Variants in ZPBP observed in about 807,000 individuals in gnomAD.
ZPBP encodes zona pellucida binding protein.
ZPBP carries 26 observed loss-of-function variants against 44.8 expected under a neutral mutation model. The observed-to-expected ratio is 0.58, with a 90% confidence interval of 0.43 to 0.81. The LOEUF is 0.81. Among genes scored for constraint, ZPBP ranks in the 30% least tolerant of loss-of-function variants. ZPBP has a pLI of 0.00. For missense variants in ZPBP, 409 were observed against 434.0 expected (o/e 0.94, Z 0.51); for synonymous variants, 174 against 153.2 (o/e 1.14, Z -1.00).
chr7:49,893,417 A>G (rs1268589397), intron 2 of ZPBP, among the ~76,000 whole-genome samples: 1 of 152,198 alleles, frequency 6.6e-6, no homozygotes, highest in African/African-American at 2.4e-5. Flanking sequence ...TTTGATGAAG[A>G]TTATTTCTTC....
chr7:49,975,531 A>G lies in ZPBP; in HGVS notation c.961+7811T>C, dbSNP rs572971018. Among the ~76,000 whole-genome samples, 74 of 152,250 alleles carry G rather than the reference A, an allele frequency of 4.9e-4. 1 individual carries two copies. Among genetic ancestry groups the G allele is most frequent in the Admixed American group, 1.2e-3 (19 of 15,294 alleles). On this transcript the variant is annotated intron_variant, in intron 7 of 7. Transcript: ENST00000046087. ...ACACAATTTTCCACTGGACCTCATC[A>G]TGTGGGCTACTGCCCATCTTCTTTT...
At chr7:50,028,606 A>G (rs1007782677) in intron 5 of ZPBP, among the ~76,000 whole-genome samples, 2 of 152,062 alleles carry the variant, frequency 1.3e-5, no homozygotes, top group African/African-American at 4.8e-5. Context: ...CACACAAAAA[A>G]AACACTATTA....
intron 6 of ZPBP, among the ~76,000 whole-genome samples, chr7:50,005,686 C>CA (rs1197078080): frequency 6.6e-6 from 1 of 151,556 alleles, no homozygotes; most frequent in Non-Finnish European, 1.5e-5. Flanking sequence ...ATCAACTACA[C>CA]AAAAAGGAAG....
At chr7:50,041,029 A>T (rs985977648) in intron 4 of ZPBP, among the ~76,000 whole-genome samples, 17 of 152,182 alleles carry the variant, frequency 1.1e-4, no homozygotes, top group African/African-American at 4.1e-4. Flanking sequence ...CACAGTGTAA[A>T]TAAAGCTGCC....
chr7:50,064,334 G>A (rs560782909), intron 3 of ZPBP, among the ~76,000 whole-genome samples: 25 of 152,312 alleles, frequency 1.6e-4, no homozygotes, highest in Non-Finnish European at 2.5e-4. Flanking sequence ...CCACAGGACC[G>A]AGGTGAAATC....
At chr7:49,953,041 A>G (rs1043173240) in intron 7 of ZPBP, among the ~76,000 whole-genome samples, 2 of 152,116 alleles carry the variant, frequency 1.3e-5, no homozygotes, top group African/African-American at 2.4e-5. Flanking sequence ...GAAATAAGAA[A>G]CAAAAGATGT....
At chr7:50,026,799 C>T (rs1799358310) in intron 5 of ZPBP, among the ~76,000 whole-genome samples, 1 of 151,890 alleles carries the variant, frequency 6.6e-6, no homozygotes, top group African/African-American at 2.4e-5. Context: ...AATTGCCAGA[C>T]TCCCTTCCTA....
chr7:49,877,280 G>A (rs1329944261), intron 2 of ZPBP, among the ~76,000 whole-genome samples: 1 of 150,792 alleles, frequency 6.6e-6, no homozygotes, highest in African/African-American at 2.4e-5. Flanking sequence ...TGGCCAACAT[G>A]GGGGAGCCCC....
At chr7:49,864,076 G>T (rs921096183) in intron 2 of ZPBP, among the ~76,000 whole-genome samples, 7 of 149,360 alleles carry the variant, frequency 4.7e-5, no homozygotes, top group Middle Eastern at 3.4e-3. Context: ...TCCTGTTTTT[G>T]TTGTTGTTGT....
At chr7:49,843,404 A>G in the ZPBP span, among the ~76,000 whole-genome samples, 1 of 152,136 alleles carries the variant, frequency 6.6e-6, no homozygotes, top group Non-Finnish European at 1.5e-5. Flanking sequence ...GTATTAAGCA[A>G]ATGTTTTCAG....
chr7:50,059,660 A>C (rs1362805996), intron 3 of ZPBP, among the ~76,000 whole-genome samples: 1 of 152,214 alleles, frequency 6.6e-6, no homozygotes, highest in Admixed American at 6.5e-5. Context: ...TACATCATCA[A>C]TGAGATTACA....
intron 1 of ZPBP, among the ~76,000 whole-genome samples, chr7:49,911,046 G>A (rs1299251453): frequency 1.3e-5 from 2 of 152,234 alleles, no homozygotes; most frequent in Non-Finnish European, 2.9e-5. Flanking sequence ...TATCTCTGCT[G>A]AAAGTGTCCT....
intron 2 of ZPBP, among the ~76,000 whole-genome samples, chr7:49,851,550 C>T (rs1790178272): frequency 6.6e-6 from 1 of 152,162 alleles, no homozygotes; most frequent in Non-Finnish European, 1.5e-5. Flanking sequence ...GGCTCTGGGA[C>T]CAACTCTGAA....
chr7:49,963,884 C>A (rs1795956024), intron 7 of ZPBP, among the ~76,000 whole-genome samples: 1 of 150,630 alleles, frequency 6.6e-6, no homozygotes, highest in East Asian at 1.9e-4. Context: ...TTTTGAAAGG[C>A]CAGCATAATA....
intron 1 of ZPBP, chr7:49,913,420 G>C (rs1793559299): frequency 1.3e-5 from 2 of 152,162 alleles, no homozygotes; most frequent in Non-Finnish European, 2.9e-5. Context: ...CATGCGGTGT[G>C]TTGATGAAAG....
chr7:49,900,414 T>C (rs1297902430), intron 2 of ZPBP, among the ~76,000 whole-genome samples: 1 of 151,518 alleles, frequency 6.6e-6, no homozygotes, highest in African/African-American at 2.4e-5. Context: ...GTTCTAAGTA[T>C]CTCACCAAGC....
chr7:49,994,399 G>A (rs1260426659), intron 6 of ZPBP, among the ~76,000 whole-genome samples: 2 of 152,188 alleles, frequency 1.3e-5, no homozygotes, highest in Non-Finnish European at 2.9e-5. Context: ...TGGGGAACAT[G>A]GGCATTTGAG....
intron 7 of ZPBP, chr7:49,942,537 A>G (rs1483087): frequency 0.78 from 118,832 of 152,810 alleles, 46,380 homozygotes; most frequent in East Asian, 0.89. Flanking sequence ...TGTTTTTCAA[A>G]TATCTTTTCA....
At chr7:49,937,392 A>G, downstream of ZPBP, 1 of 683,866 alleles carries the variant, frequency 1.5e-6, no homozygotes, top group Admixed American at 2.2e-5. Flanking sequence ...AAACATTTGG[A>G]CATACAGTAT....
Sources: gnomAD v4.1 joint callset for allele counts (sites outside exome capture counted in the v4.1 genomes callset) on GRCh38, gnomAD v4.1.1 for gene constraint, MANE v1.5 for transcripts, NCBI Gene and HGNC (gene_info 2026-07-23, HGNC 2026-07-21) for gene names.